Variants in FCRL2 observed in about 807,000 individuals in gnomAD.
FCRL2 encodes Fc receptor like 2.
FCRL2 carries 48 observed loss-of-function variants against 59.8 expected under a neutral mutation model. The observed-to-expected ratio is 0.80, with a 90% CI of 0.64 to 1.02. The LOEUF is 1.02. FCRL2 is among the 50% of genes least tolerant of loss of function. FCRL2 has a pLI of 0.00. For synonymous variants in FCRL2, 251 were observed against 229.5 expected, an observed-to-expected ratio of 1.09 and a Z score of -0.85; for missense variants, 658 against 597.3, an observed-to-expected ratio of 1.10 and a Z score of -1.06.
intron 8 of FCRL2, 66 bp from the exon 9 acceptor site, chr1:157,749,026 G>T: frequency 1.4e-6 from 2 of 1,405,854 alleles, no homozygotes; most frequent in Non-Finnish European, 1.0e-6. Context: ...AGGGGAGACT[G>T]GCTGAGGAGA....
rs1647939394 is a variant in FCRL2, at chr1:157,748,584, C to T, written c.1428G>A (p.Gln476=). ...GSVDVDVVYS[Q]VWSMQQPESS... ...TTTCTGGCTGCTGCATGCTCCAGAC[C>T]TGAGAATAAACCACATCCACATCTA... Residue 476 remains glutamine (Q), a synonymous_variant, in exon 10 of 12, where the codon CAG becomes CAA. Transcript: ENST00000361516. 1 of 1,613,944 alleles carries T rather than the reference C, an allele frequency of 6.2e-7. No homozygotes were observed. The highest frequency in any genetic ancestry group is 8.5e-7 in the Non-Finnish European group (1 of 1,179,846).
chr1:157,767,805 AT>A, intron 5 of FCRL2: 1 of 923,518 alleles, frequency 1.1e-6, no homozygotes, highest in Non-Finnish European at 1.5e-6. Context: ...GTATCCTATA[AT>A]TTTTTATTAG....
chr1:157,749,707 C>T, intron 7 of FCRL2, 30 bp from the exon 8 acceptor site: 4 of 1,596,098 alleles, frequency 2.5e-6, no homozygotes, highest in Non-Finnish European at 3.4e-6. Context: ...AAATTCATTT[C>T]AGAGAAGGAA....
Position 157,754,571 on chromosome 1 carries a change from CT to C in FCRL2, c.1280-4895del, listed in dbSNP as rs541722984. ...TGGACTCGTCCTGAATTCCTTCTTACTTGAGATTCAAGAACCCTCTCTTGGG... is the reference window on the plus strand; with the variant it reads ...TGGACTCGTCCTGAATTCCTTCTTACTGAGATTCAAGAACCCTCTCTTGGG... On this transcript the variant is annotated intron_variant, in intron 7 of 11. Transcript: ENST00000361516. Among the ~76,000 whole-genome samples, 285 of 152,214 alleles carry C rather than the reference CT, an allele frequency of 1.9e-3. 1 individual carries two copies. The highest frequency in any genetic ancestry group is 6.5e-3 in the African/African-American group (271 of 41,518).
intron 7 of FCRL2, among the ~76,000 whole-genome samples, chr1:157,754,586 C>A (rs1648445036): frequency 6.6e-6 from 1 of 152,006 alleles, no homozygotes; most frequent in African/African-American, 2.4e-5. Context: ...GATTCAAGAA[C>A]CCTCTCTTGG....
At chr1:157,767,601 C>G in intron 5 of FCRL2, 92 bp from the exon 6 acceptor site, 2 of 1,614,004 alleles carry the variant, frequency 1.2e-6, no homozygotes, top group Non-Finnish European at 1.7e-6. Flanking sequence ...AGGGCCTGGC[C>G]CCATGGCTGT....
At chr1:157,752,374 T>G (rs933397542) in intron 7 of FCRL2, among the ~76,000 whole-genome samples, 8 of 152,252 alleles carry the variant, frequency 5.3e-5, no homozygotes, top group Admixed American at 2.6e-4. Context: ...ACATAAGATG[T>G]GACTTGCTCC....
Position 157,768,661 on chromosome 1 carries a change from G to C in FCRL2, c.636C>G (p.Pro212=). The change falls in exon 5 of 12, where the codon CCC becomes CCG. Residue 212 remains proline, a synonymous_variant. Coordinates refer to ENST00000361516, the MANE Select transcript of FCRL2 (RefSeq NM_030764.4). Reference sequence around the variant, plus strand: ...TTTGTCCTTCAGTCACCTGTCCCCCGGGGGCCCGGATCTCCAAGCTTACAT... The same window carrying C: ...TTTGTCCTTCAGTCACCTGTCCCCCCGGGGCCCGGATCTCCAAGCTTACAT... The part of the protein sequence containing the change: ...ISNVSLEIRA[P]GGQVTEGQKL... 6.2e-7 allele frequency: 1 copy of C among 1,613,432 alleles called. No homozygotes were observed. The highest frequency in any genetic ancestry group is 8.5e-7 in the Non-Finnish European group (1 of 1,179,620).
chr1:157,757,775 A>C (rs1476650993), intron 7 of FCRL2, among the ~76,000 whole-genome samples: 1 of 152,202 alleles, frequency 6.6e-6, no homozygotes, highest in Non-Finnish European at 1.5e-5. Context: ...ATCCTGGCTA[A>C]CACAGTGAAA....
intron 7 of FCRL2, among the ~76,000 whole-genome samples, chr1:157,756,765 C>A (rs1023710367): frequency 2.0e-5 from 3 of 151,288 alleles, no homozygotes; most frequent in African/African-American, 7.3e-5. Flanking sequence ...ATTTTGGAAG[C>A]AAATTTAGTA....
chr1:157,770,048 T>C lies in FCRL2; in HGVS notation c.413A>G (p.Asp138Gly), dbSNP rs377422847. 3 of 1,614,018 alleles carry C rather than the reference T, an allele frequency of 1.9e-6. No homozygotes were observed. The African/African-American group carries it at 4.0e-5, about 22-fold the overall frequency. Reference protein sequence around the residue: ...CETRLSPQRLDVQLQFCFFRE... With the variant: ...CETRLSPQRLGVQLQFCFFRE... Reference sequence around the variant, plus strand: ...GAAGAAGCAGAACTGGAGTTGAACATCCAACCTCTGTGGAGAGAGCCGGGT... The same window carrying C: ...GAAGAAGCAGAACTGGAGTTGAACACCCAACCTCTGTGGAGAGAGCCGGGT... Residue 138 changes from aspartate (D) to glycine (G), a missense_variant, in exon 4 of 12, where the codon GAT becomes GGT. By Grantham distance (94) the Asp-to-Gly change is moderately conservative. Coordinates refer to ENST00000361516, the MANE Select transcript of FCRL2 (RefSeq NM_030764.4).
At chr1:157,748,792 A>G in intron 9 of FCRL2, 83 bp downstream of exon 9, 1 of 1,350,236 alleles carries the variant, frequency 7.4e-7, no homozygotes, top group Non-Finnish European at 1.1e-6. Context: ...GGGTGTCTAC[A>G]CCACCCACCT....
intron 7 of FCRL2, among the ~76,000 whole-genome samples, chr1:157,759,105 C>T (rs1020376899): frequency 3.3e-5 from 5 of 152,138 alleles, no homozygotes; most frequent in East Asian, 3.9e-4. Flanking sequence ...ATGCTGTTCT[C>T]GTGATAGTGA....
At position 157,768,478 on chromosome 1, in the gene FCRL2, A is replaced by T. The variant is rs536322468; in HGVS notation, c.819T>A (p.Tyr273Ter). 1 of 1,614,030 alleles carries T rather than the reference A, an allele frequency of 6.2e-7. No homozygotes were observed. The change falls in exon 5 of 12, where the codon TAT (tyrosine) becomes TAA (stop). Residue 273 changes from tyrosine (Y) to a stop codon, truncating the protein, a stop_gained. Transcript: ENST00000361516. LOFTEE classifies it high-confidence loss of function. ...CATGGCCGTTGTCAGCTCTACAGTA[A>T]TATTTGCCGGCATCACTCTCTTTCA... is the stretch of plus-strand genomic sequence containing the variant. ...PAVKESDAGK[Y>*]YCRADNGHVP...
At chr1:157,751,625 T>A (rs1648193855) in intron 7 of FCRL2, among the ~76,000 whole-genome samples, 1 of 152,182 alleles carries the variant, frequency 6.6e-6, no homozygotes, top group African/African-American at 2.4e-5. Context: ...TGTGGATGGA[T>A]CTGAGCCCTG....
intron 7 of FCRL2, among the ~76,000 whole-genome samples, chr1:157,754,982 A>C (rs771895064): frequency 5.9e-5 from 9 of 152,056 alleles, no homozygotes; most frequent in Non-Finnish European, 1.3e-4. Context: ...AAAAGAAAAG[A>C]AAAGAAAAAA....
At chr1:157,762,890 A>T (rs1649208597) in intron 7 of FCRL2, among the ~76,000 whole-genome samples, 1 of 152,202 alleles carries the variant, frequency 6.6e-6, no homozygotes, top group Non-Finnish European at 1.5e-5. Flanking sequence ...AGATAAGCAA[A>T]AGCTGATACA....
chr1:157,767,422 A>C lies in FCRL2; in HGVS notation c.971T>G (p.Leu324Arg). 6.2e-7 allele frequency: 1 copy of C among 1,614,226 alleles called. No homozygotes were observed. The highest frequency in any genetic ancestry group is 8.5e-7 in the Non-Finnish European group (1 of 1,180,034). ...GDLLELHCEA[L>R]RGSPPILYQF... ...GTACAAGATTGGGGGAGAGCCTCTC[A>C]GGGCCTCACAGTGAAGCTCCAGCAG... Residue 324 changes from leucine to arginine, a missense_variant, in exon 6 of 12, where the codon CTG becomes CGG. Coordinates refer to ENST00000361516, the MANE Select transcript of FCRL2 (RefSeq NM_030764.4).
chr1:157,749,828 T>C (rs1648045660), intron 7 of FCRL2, 151 bp from the exon 8 acceptor site: 1 of 544,308 alleles, frequency 1.8e-6, no homozygotes, highest in Non-Finnish European at 3.3e-6. Flanking sequence ...TACTTATTTA[T>C]TCCAACACAA....
Sources: allele counts gnomAD v4.1 joint callset (sites outside exome capture counted in the v4.1 genomes callset), GRCh38; gene constraint gnomAD v4.1.1; transcripts MANE v1.5; gene names NCBI Gene and HGNC (gene_info 2026-07-23, HGNC 2026-07-21).